The following TRIM9 variants were observed in gnomAD, a reference collection of about 807,000 sequenced individuals.
TRIM9 encodes E3 ubiquitin-protein ligase TRIM9.
TRIM9 carries 26 observed loss-of-function variants against 78.3 expected under a neutral mutation model. The ratio of observed to expected loss-of-function variants is 0.33; its 90% CI spans 0.24 to 0.46. The LOEUF is 0.46. Ranked by LOEUF, TRIM9 falls within the 20% of genes least tolerant of loss-of-function variation. The pLI, the probability that TRIM9 is intolerant of heterozygous loss-of-function variation, is 1.00. For missense variants in TRIM9, 787 were observed against 1,036.4 expected, an observed-to-expected ratio of 0.76 and a Z score of 3.30; for synonymous variants, 398 against 416.5, an observed-to-expected ratio of 0.96 and a Z score of 0.54.
chr14:51,031,618 G>A (rs996200909), intron 1 of TRIM9, among the ~76,000 whole-genome samples: 2 of 152,084 alleles, frequency 1.3e-5, no homozygotes, highest in African/African-American at 4.8e-5. Flanking sequence ...TGTACAAATC[G>A]AAGTTGAGTT....
At chr14:51,046,610 A>G (rs560016312) in intron 1 of TRIM9, among the ~76,000 whole-genome samples, 1 of 152,374 alleles carries the variant, frequency 6.6e-6, no homozygotes, top group East Asian at 1.9e-4. Flanking sequence ...GAGAATTTTA[A>G]AAATTTCATT....
At chr14:51,050,455 C>T (rs1360767167) in intron 1 of TRIM9, among the ~76,000 whole-genome samples, 3 of 152,190 alleles carry the variant, frequency 2.0e-5, no homozygotes, top group African/African-American at 7.2e-5. Context: ...GAGGCCTCCC[C>T]AGCCACGTGG....
chr14:50,989,905 A>G (rs2053266869), intron 7 of TRIM9, among the ~76,000 whole-genome samples: 1 of 152,228 alleles, frequency 6.6e-6, no homozygotes, highest in Non-Finnish European at 1.5e-5. Flanking sequence ...CCTCTGCTTA[A>G]AAAAAGCAAT....
intron 12 of TRIM9, among the ~76,000 whole-genome samples, chr14:50,977,972 C>T (rs1442622141): frequency 6.6e-6 from 1 of 151,908 alleles, no homozygotes; most frequent in African/African-American, 2.4e-5. Context: ...CTGAAAACCC[C>T]TGAAGAGCAT....
intron 5 of TRIM9, among the ~76,000 whole-genome samples, chr14:51,004,929 T>C (rs1023387972): frequency 3.9e-5 from 6 of 152,228 alleles, no homozygotes; most frequent in African/African-American, 1.2e-4. Context: ...ATAAAGATTC[T>C]ACCTTCACAA....
intron 5 of TRIM9, among the ~76,000 whole-genome samples, chr14:51,007,153 T>C (rs762536945): frequency 6.6e-6 from 1 of 152,188 alleles, no homozygotes; most frequent in Non-Finnish European, 1.5e-5. Context: ...CTGAGGCTAA[T>C]TGGGTTAGCT....
chr14:50,980,187 T>A (rs1318752019), intron 11 of TRIM9, among the ~76,000 whole-genome samples: 1 of 152,196 alleles, frequency 6.6e-6, no homozygotes, highest in Non-Finnish European at 1.5e-5. Context: ...AGGCTGTCTG[T>A]GAAATGACAG....
chr14:51,058,753 C>G (rs763806690), intron 1 of TRIM9, among the ~76,000 whole-genome samples: 1 of 152,186 alleles, frequency 6.6e-6, no homozygotes, highest in Non-Finnish European at 1.5e-5. Flanking sequence ...TTCAATTCAG[C>G]TACATATGGT....
chr14:51,092,367 A>G lies in TRIM9; in HGVS notation c.822+1751T>C, dbSNP rs537291461. 3.3e-5 allele frequency among the ~76,000 whole-genome samples: 5 copies of G among 152,352 alleles called. No homozygotes were observed. In the East Asian group the frequency reaches 9.6e-4, roughly 29 times the overall value. On this transcript the variant is annotated intron_variant, in intron 1 of 12. Coordinates refer to ENST00000684578, the MANE Select transcript of TRIM9 (RefSeq NM_001387360.1). ...CACATTCAACCGGGTTAAGGAGTTG[A>G]GAAAACTTTCACTGATTGCTGAAAA...
intron 1 of TRIM9, among the ~76,000 whole-genome samples, chr14:51,049,153 C>T (rs1239670736): frequency 6.6e-6 from 1 of 152,074 alleles, no homozygotes; most frequent in Admixed American, 6.5e-5. Context: ...CCTCTGTCTC[C>T]CAGGTTTAAG....
At chr14:51,037,717 A>AT (rs950772078) in intron 1 of TRIM9, among the ~76,000 whole-genome samples, 2 of 151,940 alleles carry the variant, frequency 1.3e-5, no homozygotes, top group Admixed American at 1.3e-4. Context: ...CTTTAAAAAA[A>AT]TTTTTTTTCA....
intron 1 of TRIM9, among the ~76,000 whole-genome samples, chr14:51,033,236 G>C (rs563533185): frequency 1.8e-4 from 28 of 152,170 alleles, no homozygotes; most frequent in Admixed American, 1.7e-3. Context: ...GGGACTACAG[G>C]TGTGTGCCAC....
rs189462365 is a variant in TRIM9 at position 51,063,944 on chromosome 14, G to A, written c.822+30174C>T. Among the ~76,000 whole-genome samples the A allele has an allele frequency of 5.5e-4, 84 of 152,128 alleles. No homozygotes were observed. In the East Asian group the frequency reaches 0.012, roughly 21 times the overall value. On this transcript the variant is annotated intron_variant, in intron 1 of 12. Coordinates refer to ENST00000684578, the MANE Select transcript of TRIM9 (RefSeq NM_001387360.1). ...CATAAATACATATATGTGTGTGTGTGTATAATATATAACAGATTGTATAGT... is the reference window on the plus strand; with the variant it reads ...CATAAATACATATATGTGTGTGTGTATATAATATATAACAGATTGTATAGT...
At chr14:51,045,390 G>A (rs72687142) in intron 1 of TRIM9, among the ~76,000 whole-genome samples, 29,775 of 152,138 alleles carry the variant, frequency 0.2, 3,265 homozygotes, top group Non-Finnish European at 0.25. Flanking sequence ...TTTAACGTAA[G>A]ATAGAACTTT....
intron 7 of TRIM9, chr14:50,996,445 T>G: frequency 1.0e-6 from 1 of 985,462 alleles, no homozygotes; most frequent in Non-Finnish European, 1.2e-6. Context: ...GTTATGCTAA[T>G]AACTGATTTT....
Position 51,022,951 on chromosome 14 carries a change from T to C in TRIM9, c.925A>G (p.Ser309Gly), listed in dbSNP as rs774050444. The part of the protein sequence containing the change: ...RNMVQQIQEN[S>G]VEFEACLVAQ... ...ACCAGACAGGCTTCAAACTCCACAC[T>C]GTTCTCCTGTGTAACAGAGCACATT... Residue 309 changes from serine to glycine, a missense_variant, in exon 3 of 13, where the codon AGT becomes GGT. Ser to Gly is a moderately conservative substitution (Grantham distance 56, BLOSUM62 0). This residue lies in a region of TRIM9 where 352 missense variants were observed against 472.3 expected (regional missense o/e 0.75). Transcript: ENST00000684578. 14 of 1,614,052 alleles carry C rather than the reference T, an allele frequency of 8.7e-6. No homozygotes were observed. The African/African-American group carries it at 1.9e-4, about 22-fold the overall frequency.
intron 1 of TRIM9, among the ~76,000 whole-genome samples, chr14:51,091,770 A>G (rs780730551): frequency 6.6e-6 from 1 of 152,156 alleles, no homozygotes; most frequent in Non-Finnish European, 1.5e-5. Context: ...TCAGAGAATA[A>G]ATGGTCTTCT....
At chr14:51,064,830 A>T (rs1281967330) in intron 1 of TRIM9, among the ~76,000 whole-genome samples, 1 of 152,260 alleles carries the variant, frequency 6.6e-6, no homozygotes, top group South Asian at 2.1e-4. Context: ...TGAATATCCC[A>T]TATCTATTAA....
intron 1 of TRIM9, among the ~76,000 whole-genome samples, chr14:51,030,912 C>T (rs1456966330): frequency 6.6e-6 from 1 of 151,864 alleles, no homozygotes; most frequent in Non-Finnish European, 1.5e-5. Flanking sequence ...TTCGGGAGGC[C>T]AAGGCGGGCG....
Sources: gnomAD v4.1 joint callset for allele counts (sites outside exome capture counted in the v4.1 genomes callset) on GRCh38, gnomAD v4.1.1 for gene constraint, gnomAD v4.1.1 regional missense constraint, MANE v1.5 for transcripts, NCBI Gene and HGNC (gene_info 2026-07-23, HGNC 2026-07-21) for gene names.